RAB4B: variants seen among roughly 807,000 people sequenced by gnomAD.
RAB4B encodes the protein RAB4B, member RAS oncogene family, also known as ras-related protein Rab-4B.
Under a neutral mutation model 28.3 loss-of-function variants are expected in RAB4B, and 15 were observed. The observed-to-expected ratio is 0.53, with a 90% CI of 0.35 to 0.82. RAB4B has a LOEUF of 0.82. Among genes scored for constraint, RAB4B ranks in the 40% least tolerant of loss-of-function variants. RAB4B has a pLI of 0.01. For synonymous variants in RAB4B, 108 were observed against 116.3 expected, an observed-to-expected ratio of 0.93 and a Z score of 0.46; for missense variants, 244 against 288.5, an observed-to-expected ratio of 0.85 and a Z score of 1.12.
At chr19:40,794,273 C>A (rs1433234801) in intron 7 of RAB4B, among the ~76,000 whole-genome samples, 1 of 151,974 alleles carries the variant, frequency 6.6e-6, no homozygotes, top group Admixed American at 6.6e-5. Flanking sequence ...GACAGGGTTT[C>A]AACATGTTGG....
At chr19:40,788,791 T>TC (rs201569272) in intron 7 of RAB4B, among the ~76,000 whole-genome samples, 28,123 of 138,322 alleles carry the variant, frequency 0.2, 3,045 homozygotes, top group Middle Eastern at 0.25. Flanking sequence ...TTTCTTTTTT[T>TC]TTTTTTTTTT....
At chr19:40,784,192 G>C in intron 5 of RAB4B, 117 bp downstream of exon 5, 4 of 1,357,360 alleles carry the variant, frequency 2.9e-6, no homozygotes, top group Non-Finnish European at 3.9e-6. Flanking sequence ...CAGAAGTCTG[G>C]GTTCAAATTT....
intron 7 of RAB4B, chr19:40,792,529 T>C (rs1047321745): frequency 1.3e-5 from 2 of 152,232 alleles, no homozygotes; most frequent in African/African-American, 4.8e-5. Context: ...CACACTTTGC[T>C]GACTGCAATC....
Position 40,783,972 on chromosome 19 carries a change from G to T in RAB4B, c.327G>T (p.Leu109=), listed in dbSNP as rs751875891. The T allele has an allele frequency of 1.2e-5, 19 of 1,613,920 alleles. No individual in the cohort carries two copies. The African/African-American group carries it at 2.5e-4, about 22-fold the overall frequency. ...CCTGGCTGACGGATGCCCGCACCCT[G>T]GCCAGCCCCAACATCGTGGTCATCC... ...LAAWLTDART[L]ASPNIVVILC... Residue 109 remains leucine, a synonymous_variant, in exon 5 of 8, where the codon CTG becomes CTT. Coordinates refer to ENST00000357052, the MANE Select transcript of RAB4B (RefSeq NM_016154.5).
At chr19:40,785,034 C>T (rs889709332) in intron 5 of RAB4B, among the ~76,000 whole-genome samples, 7 of 152,014 alleles carry the variant, frequency 4.6e-5, no homozygotes, top group East Asian at 1.9e-4. Context: ...AGGCTGATCT[C>T]GAACTCCTGA....
chr19:40,780,584 A>T (rs757682452), intron 3 of RAB4B, 85 bp downstream of exon 3: 68 of 1,141,514 alleles, frequency 6.0e-5, no homozygotes, highest in Non-Finnish European at 8.4e-5. Context: ...ACTTGGAGAC[A>T]CTGAGAGGGC....
chr19:40,793,960 C>G (rs959183662), intron 7 of RAB4B, among the ~76,000 whole-genome samples: 10 of 151,662 alleles, frequency 6.6e-5, no homozygotes, highest in African/African-American at 1.9e-4. Context: ...AAAACCAAAA[C>G]AAAACAAAAA....
Position 40,778,319 on chromosome 19 carries a change from G to C in RAB4B, c.-57G>C. 3.4e-6 allele frequency: 5 copies of C among 1,480,130 alleles called. No homozygotes were observed. The highest frequency in any genetic ancestry group is 4.5e-6 in the Non-Finnish European group (5 of 1,118,372). 91.7% of individuals were successfully genotyped at this position (1,480,130 alleles called of 1,614,324 possible). ...AGCCGGAGTGGAGCGGCTGCCAGCC[G>C]AGGAGCAGGCGCGGCCGCGGCGCCA... On this transcript the variant is annotated 5_prime_UTR_variant, in exon 1 of 8. Coordinates refer to ENST00000357052, the MANE Select transcript of RAB4B (RefSeq NM_016154.5).
Position 40,786,488 on chromosome 19 carries a change from TG to T in RAB4B, c.431-174del, listed in dbSNP as rs1344897702. ...GTGAGCTGAGCTCTGAAGGAAGAGC[TG>T]GGTGGGCATATCGGGAAGCGGACAT... On this transcript the variant is annotated intron_variant, in intron 5 of 7. Coordinates refer to ENST00000357052, the MANE Select transcript of RAB4B (RefSeq NM_016154.5). 8.1e-6 allele frequency: 7 copies of T among 861,414 alleles called. No individual in the cohort carries two copies. In the African/African-American group the frequency reaches 1.2e-4, roughly 15 times the overall value. 53.4% of individuals were successfully genotyped at this position (861,414 alleles called of 1,614,324 possible).
At chr19:40,793,700 C>T (rs1198724192) in intron 7 of RAB4B, among the ~76,000 whole-genome samples, 1 of 148,472 alleles carries the variant, frequency 6.7e-6, no homozygotes, top group Non-Finnish European at 1.5e-5. Flanking sequence ...CTGAGGCGGG[C>T]AGATCACGAG....
chr19:40,786,495 G>A, intron 5 of RAB4B, 170 bp from the exon 6 acceptor site: 1 of 932,948 alleles, frequency 1.1e-6, no homozygotes, highest in Non-Finnish European at 1.6e-6. Context: ...AGCTGGGTGG[G>A]CATATCGGGA....
chr19:40,780,591 G>A, intron 3 of RAB4B, 92 bp downstream of exon 3: 1 of 1,040,676 alleles, frequency 9.6e-7, no homozygotes, highest in East Asian at 2.6e-5. Context: ...GACACTGAGA[G>A]GGCAGACAAG....
chr19:40,778,633 G>C (rs903289489), intron 1 of RAB4B, among the ~76,000 whole-genome samples: 6 of 152,156 alleles, frequency 3.9e-5, no homozygotes, highest in Admixed American at 2.0e-4. Context: ...CTGGTCCTGA[G>C]GGGTTCAGGG....
intron 3 of RAB4B, among the ~76,000 whole-genome samples, chr19:40,781,112 TAAAAA>T (rs941942424): frequency 3.9e-5 from 3 of 76,648 alleles, no homozygotes; most frequent in African/African-American, 1.5e-4. Flanking sequence ...GTGTCTCTAC[TAAAAA>T]AAAAAAAAAA....
chr19:40,783,816 C>A lies in RAB4B; in HGVS notation c.251C>A (p.Ala84Asp). Residue 84 changes from alanine to aspartate, a missense_variant, in exon 4 of 8, where the codon GCC becomes GAC. Transcript: ENST00000357052. ...TRSYYRGAAG[A>D]LLVYDITSRE... ...AGTTATTACCGAGGGGCGGCTGGAGCCCTGCTGGTGTACGACATCACCAGG... is the reference window on the plus strand; with the variant it reads ...AGTTATTACCGAGGGGCGGCTGGAGACCTGCTGGTGTACGACATCACCAGG... 2 of 1,577,558 alleles carry A rather than the reference C, an allele frequency of 1.3e-6. No homozygotes were observed. The highest frequency in any genetic ancestry group is 1.2e-5 in the South Asian group (1 of 86,638).
Position 40,784,087 on chromosome 19 carries a change from G to A in RAB4B, c.430+12G>A, listed in dbSNP as rs1376851613. On this transcript the variant is annotated intron_variant, in intron 5 of 7. Transcript: ENST00000357052. ...TGCCCAGGAGAATGGTGAGGGCTGT[G>A]TCGTGGACCAGGTGGTGGTGGGGGT... 1.9e-6 allele frequency: 3 copies of A among 1,594,758 alleles called. No homozygotes were observed. In the African/African-American group the frequency reaches 4.0e-5, roughly 21 times the overall value.
chr19:40,778,284 C>A lies in RAB4B; in HGVS notation c.-92C>A. On this transcript the variant is annotated 5_prime_UTR_variant, in exon 1 of 8. Transcript: ENST00000357052. The stretch of plus-strand genomic sequence containing the variant: ...GCCGGGCCCGGGGAGTAGGAAGGAG[C>A]CGGGGCTGTAGCCGGAGTGGAGCGG... The A allele has an allele frequency of 7.7e-7, 1 of 1,302,114 alleles. No homozygotes were observed. The highest frequency in any genetic ancestry group is 1.0e-6 in the Non-Finnish European group (1 of 967,712). 80.7% of individuals were successfully genotyped at this position (1,302,114 alleles called of 1,614,324 possible).
In RAB4B at chr19:40,780,381, C is replaced by A; in HGVS notation, c.98-4C>A. On this transcript the variant is annotated splice_polypyrimidine_tract_variant and splice_region_variant and intron_variant, in intron 2 of 7. Coordinates refer to ENST00000357052, the MANE Select transcript of RAB4B (RefSeq NM_016154.5). Reference sequence around the variant, plus strand: ...ACTGCCCCTTCTGTTCCTCCTACTCCCAGTCAAACAGGACTCCAACCACAC... The same window carrying A: ...ACTGCCCCTTCTGTTCCTCCTACTCACAGTCAAACAGGACTCCAACCACAC... 4 of 1,603,214 alleles carry A rather than the reference C, an allele frequency of 2.5e-6. No homozygotes were observed. Among genetic ancestry groups the A allele is most frequent in the Admixed American group, 1.7e-5 (1 of 58,146 alleles).
intron 3 of RAB4B, among the ~76,000 whole-genome samples, chr19:40,782,770 G>A (rs1351948319): frequency 6.6e-6 from 1 of 151,622 alleles, no homozygotes; most frequent in East Asian, 2.0e-4. Context: ...CCAAGATCAC[G>A]CCACTGCACT....
Sources: gnomAD v4.1 joint callset for allele counts (sites outside exome capture counted in the v4.1 genomes callset) on GRCh38, gnomAD v4.1.1 for gene constraint, MANE v1.5 for transcripts, NCBI Gene and HGNC (gene_info 2026-07-23, HGNC 2026-07-21) for gene names.